ERC2: variants seen among roughly 807,000 people sequenced by gnomAD.
ERC2 encodes ELKS/RAB6-interacting/CAST family member 2, also known as ERC protein 2.
In ERC2, 42 loss-of-function variants were observed where a neutral mutation model predicts 114.8. That is an observed-to-expected ratio of 0.37 (90% CI 0.29 to 0.47). ERC2 has a LOEUF of 0.47. ERC2 is among the 20% of genes least tolerant of loss of function. The pLI is 0.99. For synonymous variants in ERC2, 454 were observed against 425.5 expected, an observed-to-expected ratio of 1.07 and a Z score of -0.82; for missense variants, 939 against 1,150.7, an observed-to-expected ratio of 0.82 and a Z score of 2.66.
intron 3 of ERC2, among the ~76,000 whole-genome samples, chr3:56,262,427 A>G (rs1377726994): frequency 1.3e-5 from 2 of 152,238 alleles, no homozygotes; most frequent in Non-Finnish European, 2.9e-5. Context: ...GAGGAACTGC[A>G]AAGTAACTAT....
At chr3:56,420,854 C>T (rs2061361324) in intron 2 of ERC2, among the ~76,000 whole-genome samples, 1 of 150,952 alleles carries the variant, frequency 6.6e-6, no homozygotes, top group African/African-American at 2.4e-5. Flanking sequence ...CTGAGATCGC[C>T]CCACCGCACT....
rs571281076 is a variant in ERC2 at position 55,629,998 on chromosome 3, C to G, written c.*39+53796G>C. On this transcript the variant is annotated intron_variant, in intron 17 of 17. Transcript: ENST00000288221. Reference sequence around the variant, plus strand: ...GAGGGGTAGAAAGAAAGTGGGGTACCATGAATTTGGTAAATCAGTGCAAGG... The same window carrying G: ...GAGGGGTAGAAAGAAAGTGGGGTACGATGAATTTGGTAAATCAGTGCAAGG... Among the ~76,000 whole-genome samples, 11 of 152,194 alleles carry G rather than the reference C, an allele frequency of 7.2e-5. No individual in the cohort carries two copies. The East Asian group carries it at 2.1e-3, about 29-fold the overall frequency.
intron 3 of ERC2, among the ~76,000 whole-genome samples, chr3:56,264,721 T>TA (rs1419945698): frequency 1.4e-4 from 20 of 141,296 alleles, no homozygotes; most frequent in Non-Finnish European, 2.6e-4. Context: ...AAAGACCCCA[T>TA]AAAAAAACTG....
chr3:56,032,957 A>AAGAAAAAG, intron 7 of ERC2, among the ~76,000 whole-genome samples: 1 of 48,390 alleles, frequency 2.1e-5, no homozygotes, highest in East Asian at 6.1e-4. Context: ...GAAAGAAAGA[A>AAGAAAAAG]ACAGAAAGAA....
chr3:56,112,232 G>A (rs541521186), intron 6 of ERC2, among the ~76,000 whole-genome samples: 25 of 152,272 alleles, frequency 1.6e-4, no homozygotes, highest in African/African-American at 5.5e-4. Flanking sequence ...AATAAATAAA[G>A]ATTTAACAGA....
intron 6 of ERC2, among the ~76,000 whole-genome samples, chr3:56,136,406 G>A (rs1203268430): frequency 6.6e-6 from 1 of 151,986 alleles, no homozygotes; most frequent in Non-Finnish European, 1.5e-5. Context: ...CCTCCTTTGA[G>A]GATGAGCACC....
chr3:55,573,057 G>C (rs1478615293), intron 17 of ERC2, among the ~76,000 whole-genome samples: 1 of 152,130 alleles, frequency 6.6e-6, no homozygotes, highest in Non-Finnish European at 1.5e-5. Context: ...CAAAACACCA[G>C]GCACCTTCCA....
At chr3:55,969,262 G>C (rs757219738) in intron 12 of ERC2, among the ~76,000 whole-genome samples, 1 of 152,068 alleles carries the variant, frequency 6.6e-6, no homozygotes, top group Admixed American at 6.6e-5. Flanking sequence ...TCAAAAATTT[G>C]AGAAAGGTCC....
intron 14 of ERC2, among the ~76,000 whole-genome samples, chr3:55,735,758 A>G (rs2065592485): frequency 6.6e-6 from 1 of 152,110 alleles, no homozygotes; most frequent in Non-Finnish European, 1.5e-5. Flanking sequence ...AATTTCACCT[A>G]TTACTTTTTT....
intron 14 of ERC2, among the ~76,000 whole-genome samples, chr3:55,737,620 G>C (rs1265086960): frequency 6.6e-6 from 1 of 152,280 alleles, no homozygotes; most frequent in South Asian, 2.1e-4. Flanking sequence ...TTGGGGATTG[G>C]AGGTAAATTG....
At chr3:56,412,220 A>G (rs1328469227) in intron 2 of ERC2, among the ~76,000 whole-genome samples, 2 of 152,178 alleles carry the variant, frequency 1.3e-5, no homozygotes, top group African/African-American at 2.4e-5. Flanking sequence ...GCAGCCACCA[A>G]AAGGAGAGAG....
At chr3:56,243,069 A>G (rs1198624792) in intron 3 of ERC2, among the ~76,000 whole-genome samples, 1 of 152,202 alleles carries the variant, frequency 6.6e-6, no homozygotes, top group Non-Finnish European at 1.5e-5. Flanking sequence ...TGTATGACTA[A>G]TACAGAGAGT....
intron 3 of ERC2, among the ~76,000 whole-genome samples, chr3:56,284,813 T>A (rs1314803539): frequency 6.6e-6 from 1 of 152,046 alleles, no homozygotes; most frequent in Non-Finnish European, 1.5e-5. Flanking sequence ...GTATATCAGA[T>A]AAAACACCAC....
intron 10 of ERC2, among the ~76,000 whole-genome samples, chr3:55,993,423 T>C (rs925254912): frequency 6.6e-6 from 1 of 152,144 alleles, no homozygotes; most frequent in Non-Finnish European, 1.5e-5. Flanking sequence ...TACTGTGGGA[T>C]TGAATGAATC....
intron 13 of ERC2, among the ~76,000 whole-genome samples, chr3:55,925,145 G>A (rs1015879455): frequency 6.6e-6 from 1 of 152,168 alleles, no homozygotes; most frequent in South Asian, 2.1e-4. Context: ...TCTATTTAGT[G>A]TTACCAGATC....
chr3:56,096,869 T>G (rs1277275378), intron 6 of ERC2, among the ~76,000 whole-genome samples: 1 of 152,202 alleles, frequency 6.6e-6, no homozygotes, highest in Non-Finnish European at 1.5e-5. Context: ...TATTTAATAC[T>G]GAAATAGTTT....
intron 14 of ERC2, among the ~76,000 whole-genome samples, chr3:55,874,497 T>C (rs1339946726): frequency 6.6e-6 from 1 of 152,146 alleles, no homozygotes; most frequent in Non-Finnish European, 1.5e-5. Context: ...TCAATCAGCT[T>C]ATTTTCCTGG....
intron 14 of ERC2, among the ~76,000 whole-genome samples, chr3:55,864,101 A>G (rs1439591392): frequency 3.7e-5 from 5 of 136,466 alleles, no homozygotes; most frequent in African/African-American, 8.6e-5. Context: ...CAGCAGGTAT[A>G]TATATATATA....
chr3:56,006,245 A>G (rs1311155931), intron 10 of ERC2, among the ~76,000 whole-genome samples: 7 of 152,072 alleles, frequency 4.6e-5, no homozygotes, highest in Admixed American at 4.6e-4. Context: ...TAGTATATTA[A>G]ATTTTAAGAT....
Sources: allele counts gnomAD v4.1 joint callset (sites outside exome capture counted in the v4.1 genomes callset), GRCh38; gene constraint gnomAD v4.1.1; transcripts MANE v1.5; gene names NCBI Gene and HGNC (gene_info 2026-07-23, HGNC 2026-07-21).